The following B4GALNT3 variants were observed in gnomAD, a reference collection of about 807,000 sequenced individuals.
B4GALNT3 encodes the protein beta-1,4-N-acetylgalactosaminyltransferase 3.
Under a neutral mutation model 120.2 loss-of-function variants are expected in B4GALNT3, and 86 were observed. The ratio of observed to expected loss-of-function variants is 0.72; its 90% CI spans 0.60 to 0.86. The LOEUF is 0.86. Ranked by LOEUF, B4GALNT3 falls within the 40% of genes least tolerant of loss-of-function variation. The pLI is 0.00. For synonymous variants in B4GALNT3, 518 were observed against 510.4 expected (o/e 1.01, Z -0.20); for missense variants, 1,167 against 1,298.9 (o/e 0.90, Z 1.56).
At chr12:483,526 C>T (rs945023664) in intron 1 of B4GALNT3, among the ~76,000 whole-genome samples, 3 of 152,130 alleles carry the variant, frequency 2.0e-5, no homozygotes, top group African/African-American at 7.2e-5. Flanking sequence ...GTGAAACCCC[C>T]TCTCTACCAA....
rs748270964 is a variant in B4GALNT3 at position 545,425 on chromosome 12, G to A, written c.595G>A (p.Asp199Asn). The A allele has an allele frequency of 1.3e-5, 21 of 1,611,466 alleles. No individual in the cohort carries two copies. The East Asian group carries it at 3.6e-4, about 27-fold the overall frequency. ...CAACGCGGAGTTCTGGCTGAGCCTC[G>A]ATGACCAGGTCTCAGGCCTCCAGCT... Reference protein sequence around the residue: ...DDNAEFWLSLDDQVSGLQLLA... With the variant: ...DDNAEFWLSLNDQVSGLQLLA... Residue 199 changes from aspartate to asparagine, a missense_variant, in exon 6 of 20, where the codon GAT becomes AAT. This residue lies in a region of B4GALNT3 where 983 missense variants were observed against 1,102.5 expected (regional missense o/e 0.89). Transcript: ENST00000266383.
chr12:523,015 C>T (rs1332764593), intron 1 of B4GALNT3, among the ~76,000 whole-genome samples: 5 of 151,630 alleles, frequency 3.3e-5, no homozygotes, highest in Non-Finnish European at 7.4e-5. Context: ...ATACACACTC[C>T]CCCTAAAAAT....
chr12:502,486 G>T (rs1160343846), intron 1 of B4GALNT3, among the ~76,000 whole-genome samples: 2 of 152,186 alleles, frequency 1.3e-5, no homozygotes, highest in Non-Finnish European at 2.9e-5. Flanking sequence ...GGCAAGAGGT[G>T]TAGGGACACA....
At chr12:514,266 T>G (rs183554597) in intron 1 of B4GALNT3, among the ~76,000 whole-genome samples, 1 of 149,208 alleles carries the variant, frequency 6.7e-6, no homozygotes, top group Admixed American at 6.6e-5. Flanking sequence ...GGCGCGATCT[T>G]GGCTCACTGC....
intron 1 of B4GALNT3, among the ~76,000 whole-genome samples, chr12:531,976 T>A (rs118155268): frequency 1.3e-5 from 2 of 149,472 alleles, no homozygotes; most frequent in Non-Finnish European, 3.0e-5. Flanking sequence ...TATTTTTCTT[T>A]AAAAAAAAAA....
intron 1 of B4GALNT3, among the ~76,000 whole-genome samples, chr12:465,657 C>T (rs1264433528): frequency 6.6e-6 from 1 of 152,172 alleles, no homozygotes; most frequent in Non-Finnish European, 1.5e-5. Context: ...ATGTGGCCGG[C>T]GAACCTCAGC....
chr12:534,254 A>G (rs1946835958), intron 1 of B4GALNT3, among the ~76,000 whole-genome samples: 1 of 152,134 alleles, frequency 6.6e-6, no homozygotes, highest in African/African-American at 2.4e-5. Flanking sequence ...GGTGATCTCA[A>G]AAGCCTCTTT....
chr12:477,501 G>A (rs1946196129), intron 1 of B4GALNT3, among the ~76,000 whole-genome samples: 1 of 152,160 alleles, frequency 6.6e-6, no homozygotes, highest in Admixed American at 6.5e-5. Flanking sequence ...TTTTCACATT[G>A]CACGAGAAAG....
intron 1 of B4GALNT3, among the ~76,000 whole-genome samples, chr12:496,587 A>G (rs1946390572): frequency 6.6e-6 from 1 of 152,110 alleles, no homozygotes; most frequent in South Asian, 2.1e-4. Flanking sequence ...TGACAGAACA[A>G]GACTCCATCT....
chr12:476,495 T>C (rs1027397153), intron 1 of B4GALNT3, among the ~76,000 whole-genome samples: 1 of 152,084 alleles, frequency 6.6e-6, no homozygotes, highest in African/African-American at 2.4e-5. Flanking sequence ...ATGCTAGTTA[T>C]TAATACTTGG....
At chr12:512,363 CCTT>C (rs1403435433) in intron 1 of B4GALNT3, among the ~76,000 whole-genome samples, 2 of 143,882 alleles carry the variant, frequency 1.4e-5, no homozygotes, top group Non-Finnish European at 1.5e-5. Context: ...CCGCCTTCGA[CCTT>C]CTTCCACCTT....
intron 1 of B4GALNT3, among the ~76,000 whole-genome samples, chr12:483,659 C>T (rs1425196429): frequency 1.3e-5 from 2 of 152,176 alleles, no homozygotes; most frequent in African/African-American, 4.8e-5. Flanking sequence ...GGTCATGCCA[C>T]TGCACTCCAG....
intron 1 of B4GALNT3, among the ~76,000 whole-genome samples, chr12:527,440 T>C: frequency 6.6e-6 from 1 of 152,192 alleles, no homozygotes; most frequent in East Asian, 1.9e-4. Flanking sequence ...CCACAGCCGT[T>C]TCAGTAGCTC....
intron 3 of B4GALNT3, among the ~76,000 whole-genome samples, chr12:539,200 G>A (rs889761013): frequency 1.3e-5 from 2 of 152,186 alleles, no homozygotes; most frequent in African/African-American, 2.4e-5. Flanking sequence ...TGATCAGATT[G>A]GATGGCTAGG....
At chr12:540,326 T>C (rs563679915) in intron 3 of B4GALNT3, 1 of 152,350 alleles carries the variant, frequency 6.6e-6, no homozygotes, top group South Asian at 2.1e-4. Flanking sequence ...AGACACTCAG[T>C]GCTAATAGAA....
chr12:512,502 ACCTTCTG>A (rs1946595869), intron 1 of B4GALNT3, among the ~76,000 whole-genome samples: 1 of 91,230 alleles, frequency 1.1e-5, no homozygotes. Flanking sequence ...TCCACCTTCT[ACCTTCTG>A]CCTTCCACCT....
At chr12:463,446 C>T (rs1187655893) in intron 1 of B4GALNT3, among the ~76,000 whole-genome samples, 8 of 152,178 alleles carry the variant, frequency 5.3e-5, no homozygotes, top group South Asian at 2.1e-4. Context: ...GGACTGTTCA[C>T]GCATTCATTT....
chr12:559,678 A>G (rs1471284855), intron 19 of B4GALNT3, among the ~76,000 whole-genome samples: 1 of 152,082 alleles, frequency 6.6e-6, no homozygotes, highest in Non-Finnish European at 1.5e-5. Context: ...ACCGTGTACC[A>G]GGTACACCAA....
intron 17 of B4GALNT3, 130 bp from the exon 18 acceptor site, chr12:558,378 C>A: frequency 1.1e-6 from 1 of 905,012 alleles, no homozygotes; most frequent in Non-Finnish European, 1.7e-6. Context: ...GAACTCTGCC[C>A]AGCAGCTGGT....
Sources: allele counts gnomAD v4.1 joint callset (sites outside exome capture counted in the v4.1 genomes callset), GRCh38; gene constraint gnomAD v4.1.1; regional missense constraint gnomAD v4.1.1; transcripts MANE v1.5; gene names NCBI Gene and HGNC (gene_info 2026-07-23, HGNC 2026-07-21).